The following NELL1 variants were observed in gnomAD, a reference collection of about 807,000 sequenced individuals.
NELL1 encodes neural EGFL like 1, also known as protein kinase C-binding protein NELL1.
Under a neutral mutation model 107.4 loss-of-function variants are expected in NELL1, and 76 were observed. The observed-to-expected ratio is 0.71, with a 90% CI of 0.59 to 0.86. NELL1 has a LOEUF of 0.86. NELL1 is among the 40% of genes least tolerant of loss of function. The pLI, the probability that NELL1 is intolerant of heterozygous loss-of-function variation, is 0.00. For synonymous variants in NELL1, 353 were observed against 341.2 expected, an observed-to-expected ratio of 1.03 and a Z score of -0.38; for missense variants, 1,024 against 1,005.5, an observed-to-expected ratio of 1.02 and a Z score of -0.25.
intron 17 of NELL1, among the ~76,000 whole-genome samples, chr11:21,565,881 C>A (rs1337266102): frequency 6.6e-6 from 1 of 151,816 alleles, no homozygotes; most frequent in Non-Finnish European, 1.5e-5. Flanking sequence ...GACCTGAAGG[C>A]AAAATTAATA....
intron 14 of NELL1, among the ~76,000 whole-genome samples, chr11:21,269,607 A>G (rs1490434394): frequency 1.3e-5 from 2 of 152,126 alleles, no homozygotes; most frequent in African/African-American, 4.8e-5. Flanking sequence ...CTTCAAAAGT[A>G]GAGGAGACAT....
intron 15 of NELL1, among the ~76,000 whole-genome samples, chr11:21,378,876 C>A (rs1266132585): frequency 1.3e-5 from 2 of 151,746 alleles, no homozygotes; most frequent in Non-Finnish European, 1.5e-5. Context: ...CTCCACCACA[C>A]CCAGCTAATT....
intron 7 of NELL1, among the ~76,000 whole-genome samples, chr11:20,925,744 T>C (rs984792904): frequency 6.6e-6 from 1 of 152,188 alleles, no homozygotes; most frequent in African/African-American, 2.4e-5. Flanking sequence ...TTGTTTTTTC[T>C]ACCCTTTGCT....
At chr11:21,262,724 T>G (rs1848558512) in intron 14 of NELL1, among the ~76,000 whole-genome samples, 1 of 151,874 alleles carries the variant, frequency 6.6e-6, no homozygotes, top group South Asian at 2.1e-4. Context: ...TTCATGATGA[T>G]ATTGGTATAC....
chr11:20,950,633 A>T (rs1851051192), intron 11 of NELL1, among the ~76,000 whole-genome samples: 1 of 152,198 alleles, frequency 6.6e-6, no homozygotes, highest in African/African-American at 2.4e-5. Flanking sequence ...CTTCTCTGAA[A>T]CAGAAAGTAA....
At chr11:21,217,109 A>C (rs1857632268) in intron 13 of NELL1, among the ~76,000 whole-genome samples, 1 of 152,140 alleles carries the variant, frequency 6.6e-6, no homozygotes, top group Non-Finnish European at 1.5e-5. Flanking sequence ...TGGTTTCATA[A>C]GGGGCTATTC....
intron 5 of NELL1, among the ~76,000 whole-genome samples, chr11:20,916,839 T>G (rs1355409345): frequency 6.6e-6 from 1 of 151,876 alleles, no homozygotes; most frequent in Non-Finnish European, 1.5e-5. Context: ...AGAACATGAG[T>G]GCTGGGTGGA....
At chr11:21,282,213 G>C (rs987153033) in intron 14 of NELL1, among the ~76,000 whole-genome samples, 1 of 152,064 alleles carries the variant, frequency 6.6e-6, no homozygotes, top group African/African-American at 2.4e-5. Context: ...TTTCTCAAAA[G>C]AAGACATACA....
At chr11:21,064,645 A>G (rs1853825301) in intron 12 of NELL1, among the ~76,000 whole-genome samples, 1 of 151,846 alleles carries the variant, frequency 6.6e-6, no homozygotes, top group Non-Finnish European at 1.5e-5. Flanking sequence ...GTCACTCTGG[A>G]GGTTCTATGG....
chr11:20,991,976 AGCCAGTGTAGCATGC>A (rs1851983824), intron 12 of NELL1, among the ~76,000 whole-genome samples: 1 of 142,958 alleles, frequency 7.0e-6, no homozygotes, highest in Non-Finnish European at 1.5e-5. Flanking sequence ...GTTCTTTCAA[AGCCAGTGTAGCATGC>A]AAAAAAAAAA....
At chr11:21,382,432 A>G (rs1338979979) in intron 15 of NELL1, among the ~76,000 whole-genome samples, 2 of 151,946 alleles carry the variant, frequency 1.3e-5, no homozygotes, top group Admixed American at 6.6e-5. Flanking sequence ...AATTCAGTAA[A>G]CATTTGATAA....
chr11:20,974,743 G>A (rs1355197758), intron 12 of NELL1, among the ~76,000 whole-genome samples: 6 of 152,076 alleles, frequency 3.9e-5, no homozygotes, highest in Non-Finnish European at 8.8e-5. Flanking sequence ...AGCAGACTGG[G>A]TGATTTCTCT....
intron 14 of NELL1, among the ~76,000 whole-genome samples, chr11:21,268,837 A>G (rs1032447837): frequency 3.9e-5 from 6 of 152,190 alleles, no homozygotes; most frequent in Admixed American, 3.9e-4. Context: ...ATGTGGCAGG[A>G]ATATTGGGAG....
chr11:21,017,808 CGAG>C (rs994021154), intron 12 of NELL1, among the ~76,000 whole-genome samples: 3 of 152,026 alleles, frequency 2.0e-5, no homozygotes, highest in African/African-American at 7.2e-5. Context: ...CTTCTTATCA[CGAG>C]GAGCTCCCCA....
At chr11:20,699,110 G>A (rs1459020456) in intron 2 of NELL1, among the ~76,000 whole-genome samples, 2 of 151,458 alleles carry the variant, frequency 1.3e-5, no homozygotes, top group African/African-American at 2.4e-5. Flanking sequence ...CTAGCTACTC[G>A]GGAGGTTGAG....
At chr11:20,899,981 G>A (rs1013413664) in intron 5 of NELL1, among the ~76,000 whole-genome samples, 3 of 152,120 alleles carry the variant, frequency 2.0e-5, no homozygotes, top group African/African-American at 7.2e-5. Flanking sequence ...TTGATATACA[G>A]CAAATCAAAA....
At chr11:20,790,767 A>T (rs879350045) in intron 3 of NELL1, among the ~76,000 whole-genome samples, 36 of 152,136 alleles carry the variant, frequency 2.4e-4, no homozygotes, top group Non-Finnish European at 3.2e-4. Context: ...GGCTGCAGCT[A>T]TGCCTGGGGA....
intron 15 of NELL1, among the ~76,000 whole-genome samples, chr11:21,500,072 T>A (rs955113541): frequency 3.3e-5 from 5 of 152,122 alleles, no homozygotes; most frequent in Non-Finnish European, 5.9e-5. Flanking sequence ...TATTCCAAAT[T>A]TTCTATAATG....
At chr11:21,035,637 A>G (rs1363994665) in intron 12 of NELL1, among the ~76,000 whole-genome samples, 2 of 152,206 alleles carry the variant, frequency 1.3e-5, no homozygotes, top group African/African-American at 4.8e-5. Context: ...CAAAAGGCAC[A>G]TGATTATCTC....
Sources: gnomAD v4.1 joint callset for allele counts (sites outside exome capture counted in the v4.1 genomes callset) on GRCh38, gnomAD v4.1.1 for gene constraint, MANE v1.5 for transcripts, NCBI Gene and HGNC (gene_info 2026-07-23, HGNC 2026-07-21) for gene names.